Variants in SLC4A5 observed in about 807,000 individuals in gnomAD.
SLC4A5 encodes electrogenic sodium bicarbonate cotransporter 4.
In SLC4A5, 96 loss-of-function variants were observed where a neutral mutation model predicts 120.4. The ratio of observed to expected loss-of-function variants is 0.80; its 90% CI spans 0.68 to 0.94. The LOEUF is 0.94. SLC4A5 is among the 40% of genes least tolerant of loss of function. The pLI is 0.00. For synonymous variants in SLC4A5, 550 were observed against 571.1 expected, an observed-to-expected ratio of 0.96 and a Z score of 0.53; for missense variants, 1,259 against 1,459.5, an observed-to-expected ratio of 0.86 and a Z score of 2.24.
At position 74,223,853 on chromosome 2, in the gene SLC4A5, A is replaced by T. The variant is rs147593420; in HGVS notation, c.3247-901T>A. The stretch of plus-strand genomic sequence containing the variant: ...ACCAGGGGAGTTCTGACTGATCAGA[A>T]GATGGTTTAATCACCACCAGCCAGT... On this transcript the variant is annotated intron_variant, in intron 28 of 30. Coordinates refer to ENST00000394019, the Ensembl canonical transcript of SLC4A5. 6.6e-5 allele frequency among the ~76,000 whole-genome samples: 10 copies of T among 152,292 alleles called. No homozygotes were observed. The East Asian group carries it at 1.9e-3, about 29-fold the overall frequency.
At chr2:74,221,389 T>C (rs986297763) in intron 30 of SLC4A5, 45 bp downstream of exon 30, 63 of 1,449,286 alleles carry the variant, frequency 4.3e-5, no homozygotes, top group Non-Finnish European at 6.1e-5. Context: ...GGCCATTTCC[T>C]AGTCTCTTAC....
chr2:74,281,485 T>C lies in SLC4A5; in HGVS notation c.401+4288A>G, dbSNP rs190454497. Among the ~76,000 whole-genome samples the C allele has an allele frequency of 2.2e-3, 334 of 152,320 alleles. 1 individual carries two copies. Among genetic ancestry groups the C allele is most frequent in the Non-Finnish European group, 3.6e-3 (246 of 68,024 alleles). On this transcript the variant is annotated intron_variant, in intron 8 of 30. Coordinates refer to ENST00000394019, the Ensembl canonical transcript of SLC4A5. ...CACCCAATCTGATCCAGCCCTCCCT[T>C]CAGGCAAGGTCATTATCAGCAAACA...
At chr2:74,224,861 G>T in exon 28 of SLC4A5, 1 of 1,612,838 alleles carries the variant, frequency 6.2e-7, no homozygotes, top group Non-Finnish European at 8.5e-7. Context: ...AGTCCTCGTG[G>T]GCCCCTTTTT....
At chr2:74,223,194 T>C (rs577260178) in intron 28 of SLC4A5, among the ~76,000 whole-genome samples, 5 of 152,164 alleles carry the variant, frequency 3.3e-5, no homozygotes, top group African/African-American at 1.2e-4. Context: ...TTAGTAGAGA[T>C]GGGGTTTCAC....
At chr2:74,310,409 CATT>C (rs1354212476) in intron 6 of SLC4A5, among the ~76,000 whole-genome samples, 3 of 152,166 alleles carry the variant, frequency 2.0e-5, no homozygotes, top group Non-Finnish European at 4.4e-5. Flanking sequence ...AGTTTCTCAT[CATT>C]AAGTATGATG....
chr2:74,221,696 G>A (rs1694653271), intron 29 of SLC4A5, among the ~76,000 whole-genome samples, 195 bp from the exon 30 acceptor site: 1 of 152,168 alleles, frequency 6.6e-6, no homozygotes, highest in African/African-American at 2.4e-5. Context: ...GCCAGGGCTA[G>A]GGGGTGTGAG....
intron 7 of SLC4A5, among the ~76,000 whole-genome samples, chr2:74,288,128 T>C (rs748041423): frequency 1.3e-5 from 2 of 152,160 alleles, no homozygotes; most frequent in Non-Finnish European, 2.9e-5. Context: ...ATTGCTAAGA[T>C]AAAGAATTGT....
chr2:74,235,241 A>G (rs1258881462), intron 21 of SLC4A5, 27 bp from the exon 22 acceptor site: 2 of 1,587,868 alleles, frequency 1.3e-6, no homozygotes, highest in Admixed American at 1.7e-5. Flanking sequence ...AGCAAGTAAA[A>G]GAAGTGAGTA....
intron 7 of SLC4A5, among the ~76,000 whole-genome samples, chr2:74,303,764 T>G (rs984174501): frequency 6.6e-6 from 1 of 152,100 alleles, no homozygotes; most frequent in Non-Finnish European, 1.5e-5. Flanking sequence ...TCAGCTCCAG[T>G]GAGGAGAGAG....
In SLC4A5 at chr2:74,285,917, C is replaced by A. The variant is rs1671967609; in HGVS notation, c.272-15G>T. 2 of 1,579,104 alleles carry A rather than the reference C, an allele frequency of 1.3e-6. No individual in the cohort carries two copies. The highest frequency in any genetic ancestry group is 1.7e-6 in the Non-Finnish European group (2 of 1,161,922). Reference sequence around the variant, plus strand: ...AGCTGGGGACCCTGCAAAAGAGGGGCAGCAGGTCTGCTGAGTGTCCCATGG... The same window carrying A: ...AGCTGGGGACCCTGCAAAAGAGGGGAAGCAGGTCTGCTGAGTGTCCCATGG... On this transcript the variant is annotated splice_polypyrimidine_tract_variant and intron_variant, in intron 7 of 30. Transcript: ENST00000394019.
chr2:74,259,456 C>G (rs1671068366), intron 12 of SLC4A5, 132 bp downstream of exon 12: 3 of 1,057,828 alleles, frequency 2.8e-6, no homozygotes, highest in African/African-American at 1.6e-5. Flanking sequence ...AGAGTCCCCA[C>G]TGGGGATCTT....
chr2:74,274,686 C>G (rs1329704277), intron 8 of SLC4A5, among the ~76,000 whole-genome samples: 1 of 152,198 alleles, frequency 6.6e-6, no homozygotes, highest in East Asian at 1.9e-4. Flanking sequence ...TCCAGTGACA[C>G]TGTCTAATGC....
chr2:74,296,662 G>A (rs1417363479), intron 7 of SLC4A5, among the ~76,000 whole-genome samples: 2 of 149,538 alleles, frequency 1.3e-5, no homozygotes, highest in African/African-American at 5.0e-5. Context: ...GGTGGCACAT[G>A]CCTGTAATCC....
At chr2:74,233,863 C>A (rs757270735) in intron 22 of SLC4A5, among the ~76,000 whole-genome samples, 8 of 152,140 alleles carry the variant, frequency 5.3e-5, no homozygotes, top group Non-Finnish European at 1.0e-4. Flanking sequence ...AGCACAGTCA[C>A]CTGCTGCAAA....
At chr2:74,343,153 ATAGAT>A (rs1468688317) in intron 1 of SLC4A5, among the ~76,000 whole-genome samples, 198 bp downstream of exon 1, 2 of 152,178 alleles carry the variant, frequency 1.3e-5, no homozygotes, top group Non-Finnish European at 2.9e-5. Context: ...TGGAATACTT[ATAGAT>A]TAGTTTCAAC....
intron 14 of SLC4A5, among the ~76,000 whole-genome samples, chr2:74,253,606 C>CAA (rs55993038): frequency 3.1e-4 from 44 of 142,532 alleles, no homozygotes; most frequent in African/African-American, 1.1e-3. Flanking sequence ...CCCATTTAGG[C>CAA]AAAAAAAAAA....
At chr2:74,218,886 G>C (rs1033467127) in intron 30 of SLC4A5, 94 bp from the exon 31 acceptor site, 1 of 152,508 alleles carries the variant, frequency 6.6e-6, no homozygotes, top group African/African-American at 2.4e-5. Context: ...TTCCATCTTT[G>C]CTTCTGAACT....
chr2:74,259,664 G>A (rs1671075876), intron 11 of SLC4A5, 21 bp from the exon 12 acceptor site: 3 of 1,613,798 alleles, frequency 1.9e-6, no homozygotes, highest in South Asian at 1.1e-5. Flanking sequence ...AGGAAAAGAA[G>A]ATCCATCAGG....
intron 8 of SLC4A5, among the ~76,000 whole-genome samples, chr2:74,273,102 T>C (rs1162375014): frequency 6.6e-6 from 1 of 152,214 alleles, no homozygotes; most frequent in Non-Finnish European, 1.5e-5. Flanking sequence ...CTCAGGGGAC[T>C]GACAATCAGA....
Sources: allele counts gnomAD v4.1 joint callset (sites outside exome capture counted in the v4.1 genomes callset), GRCh38; gene constraint gnomAD v4.1.1; transcripts MANE v1.5; gene names NCBI Gene and HGNC (gene_info 2026-07-23, HGNC 2026-07-21).